The following AUH variants were observed in gnomAD, a reference collection of about 807,000 sequenced individuals.
The protein encoded by AUH is AU RNA binding methylglutaconyl-CoA hydratase.
In AUH, 29 loss-of-function variants were observed where a neutral mutation model predicts 42.3. The observed-to-expected ratio is 0.69, with a 90% confidence interval of 0.51 to 0.93. The LOEUF is 0.93. AUH is among the 40% of genes least tolerant of loss of function. The pLI is 0.00. For synonymous variants in AUH, 174 were observed against 166.4 expected (o/e 1.05, Z -0.35); for missense variants, 452 against 438.1 (o/e 1.03, Z -0.28).
At chr9:91,217,470 A>AGCCTT (rs1826890692) in intron 7 of AUH, 143 bp from the exon 8 acceptor site, 1 of 796,990 alleles carries the variant, frequency 1.3e-6, no homozygotes. Flanking sequence ...AAATTTTCTG[A>AGCCTT]GCCTTGCAAG....
At chr9:91,254,832 T>C (rs1233187168) in intron 6 of AUH, among the ~76,000 whole-genome samples, 2 of 152,186 alleles carry the variant, frequency 1.3e-5, no homozygotes, top group East Asian at 3.8e-4. Context: ...TATCCTTAAT[T>C]ACCTATGTGA....
At chr9:91,222,660 G>A (rs566745506) in intron 6 of AUH, among the ~76,000 whole-genome samples, 44 of 152,282 alleles carry the variant, frequency 2.9e-4, no homozygotes, top group African/African-American at 1.0e-3. Flanking sequence ...GAAAAGACAA[G>A]CTATTTATGG....
chr9:91,249,307 A>AAAAG (rs1315201002), intron 6 of AUH, among the ~76,000 whole-genome samples: 128 of 149,664 alleles, frequency 8.6e-4, no homozygotes, highest in Non-Finnish European at 1.1e-3. Flanking sequence ...AAAAAAAAAA[A>AAAAG]AAAAAAAAAA....
chr9:91,267,854 T>C (rs1306874656), intron 6 of AUH, among the ~76,000 whole-genome samples: 1 of 152,160 alleles, frequency 6.6e-6, no homozygotes, highest in Non-Finnish European at 1.5e-5. Flanking sequence ...CTAACACTAC[T>C]ACCACCTTTT....
At chr9:91,329,310 A>C (rs1377631222) in intron 3 of AUH, among the ~76,000 whole-genome samples, 1 of 151,474 alleles carries the variant, frequency 6.6e-6, no homozygotes, top group Non-Finnish European at 1.5e-5. Context: ...AAAAGAAAAA[A>C]AAAAAACAAA....
At chr9:91,298,689 G>C (rs1269231187) in intron 4 of AUH, among the ~76,000 whole-genome samples, 1 of 152,182 alleles carries the variant, frequency 6.6e-6, no homozygotes, top group African/African-American at 2.4e-5. Context: ...TGCCTGGAAA[G>C]GGGTCAGCCA....
chr9:91,287,245 G>A (rs1826489508), intron 6 of AUH, among the ~76,000 whole-genome samples: 1 of 152,058 alleles, frequency 6.6e-6, no homozygotes, highest in South Asian at 2.1e-4. Context: ...TATTCATGAG[G>A]AAACATTAGG....
chr9:91,308,952 G>A (rs1049648414), intron 4 of AUH, among the ~76,000 whole-genome samples: 13 of 151,626 alleles, frequency 8.6e-5, no homozygotes, highest in African/African-American at 2.7e-4. Context: ...CATCATGCCC[G>A]GCTAATTTTT....
intron 6 of AUH, among the ~76,000 whole-genome samples, chr9:91,281,326 T>C (rs1401920867): frequency 2.8e-5 from 4 of 144,440 alleles, no homozygotes; most frequent in African/African-American, 1.1e-4. Context: ...CAGTTTGTTT[T>C]TTATTTTGGC....
At chr9:91,305,899 G>A (rs1241682713) in intron 4 of AUH, among the ~76,000 whole-genome samples, 2 of 152,124 alleles carry the variant, frequency 1.3e-5, no homozygotes, top group Non-Finnish European at 2.9e-5. Context: ...AACACCGTAA[G>A]CCATCCTTCC....
At chr9:91,248,500 A>T (rs1828921176) in intron 6 of AUH, among the ~76,000 whole-genome samples, 1 of 152,222 alleles carries the variant, frequency 6.6e-6, no homozygotes, top group African/African-American at 2.4e-5. Context: ...ATACAAAGGA[A>T]GCCTGTGGGA....
intron 3 of AUH, among the ~76,000 whole-genome samples, chr9:91,347,791 T>G (rs1166988522): frequency 3.3e-5 from 5 of 151,510 alleles, no homozygotes; most frequent in African/African-American, 1.2e-4. Context: ...AAACAAAATT[T>G]CTAAAATTCA....
At chr9:91,216,311 T>TG (rs1826818270) in intron 8 of AUH, among the ~76,000 whole-genome samples, 1 of 152,036 alleles carries the variant, frequency 6.6e-6, no homozygotes, top group Non-Finnish European at 1.5e-5. Context: ...TGAGTTACCT[T>TG]GGGGAAGTTA....
chr9:91,350,972 CTTTT>C (rs953809833), intron 3 of AUH, among the ~76,000 whole-genome samples: 1 of 148,686 alleles, frequency 6.7e-6, no homozygotes, highest in Non-Finnish European at 1.5e-5. Flanking sequence ...AATCCATGAT[CTTTT>C]TTTTTTCATT....
At chr9:91,256,136 G>C (rs1829392726) in intron 6 of AUH, among the ~76,000 whole-genome samples, 1 of 152,058 alleles carries the variant, frequency 6.6e-6, no homozygotes, top group Non-Finnish European at 1.5e-5. Flanking sequence ...CAGTTAGTGA[G>C]GCTTATACTG....
At chr9:91,283,847 A>G (rs1475341074) in intron 6 of AUH, among the ~76,000 whole-genome samples, 3 of 152,100 alleles carry the variant, frequency 2.0e-5, no homozygotes, top group Non-Finnish European at 2.9e-5. Context: ...CCATGCTCAT[A>G]GATAGGAAGA....
In AUH at chr9:91,325,397, G is replaced by T; in HGVS notation, c.426C>A (p.Asp142Glu). The T allele has an allele frequency of 1.9e-6, 3 of 1,613,484 alleles. No individual in the cohort carries two copies. The highest frequency in any genetic ancestry group is 2.5e-6 in the Non-Finnish European group (3 of 1,179,624). ...AACTCATTTTGGCTCTTTCCTTAAG[G>T]TCAGCACCTGCAAAGTATTTTATTT... ...EVPGIFCAGA[D>E]LKERAKMSSS... The change falls in exon 4 of 10, where the codon GAC becomes GAA. Residue 142 changes from aspartate (D) to glutamate (E), a missense_variant. Transcript: ENST00000375731.
intron 6 of AUH, among the ~76,000 whole-genome samples, chr9:91,233,949 A>G (rs147015040): frequency 3.3e-4 from 50 of 152,236 alleles, no homozygotes; most frequent in African/African-American, 1.1e-3. Context: ...GATTCCTCAG[A>G]GATTTGAGGG....
At chr9:91,355,737 T>C in intron 3 of AUH, 146 bp downstream of exon 3, 1 of 716,698 alleles carries the variant, frequency 1.4e-6, no homozygotes, top group Non-Finnish European at 2.4e-6. Context: ...CTAAGCATGT[T>C]TTTTTCTTGT....
Sources: allele counts gnomAD v4.1 joint callset (sites outside exome capture counted in the v4.1 genomes callset), GRCh38; gene constraint gnomAD v4.1.1; transcripts MANE v1.5; gene names NCBI Gene and HGNC (gene_info 2026-07-23, HGNC 2026-07-21).